ACOT7: variants seen among roughly 807,000 people sequenced by gnomAD.
ACOT7 encodes the protein cytosolic acyl coenzyme A thioester hydrolase.
In ACOT7, 12 loss-of-function variants were observed where a neutral mutation model predicts 40.2. The ratio of observed to expected loss-of-function variants is 0.30; its 90% CI spans 0.19 to 0.48. The LOEUF is 0.48. ACOT7 is among the 20% of genes least tolerant of loss of function. The probability of loss-of-function intolerance (pLI) is 0.99; values close to 1 mark genes in which losing one functional copy is unlikely to be tolerated. For missense variants in ACOT7, 395 were observed against 530.8 expected, an observed-to-expected ratio of 0.74 and a Z score of 2.51; for synonymous variants, 228 against 219.5, an observed-to-expected ratio of 1.04 and a Z score of -0.34.
intron 8 of ACOT7, among the ~76,000 whole-genome samples, chr1:6,267,875 T>C (rs1638898092): frequency 6.6e-6 from 1 of 152,284 alleles, no homozygotes; most frequent in Non-Finnish European, 1.5e-5. Context: ...CTGACTCACA[T>C]CGACTCCTCT....
chr1:6,362,267 C>T (rs973918532), intron 1 of ACOT7, among the ~76,000 whole-genome samples: 2 of 152,148 alleles, frequency 1.3e-5, no homozygotes, highest in South Asian at 2.1e-4. Context: ...TCTGTCTCTA[C>T]TAAAACTACA....
chr1:6,286,391 G>C (rs1639503929), intron 7 of ACOT7, among the ~76,000 whole-genome samples: 1 of 152,184 alleles, frequency 6.6e-6, no homozygotes, highest in Admixed American at 6.5e-5. Flanking sequence ...CCAGGGCCCT[G>C]ATGAAGCCAG....
At chr1:6,270,304 T>C (rs1571255831) in intron 8 of ACOT7, among the ~76,000 whole-genome samples, 1 of 151,766 alleles carries the variant, frequency 6.6e-6, no homozygotes, top group Non-Finnish European at 1.5e-5. Flanking sequence ...TAATGGAGGG[T>C]TGGGGGTGGG....
chr1:6,297,471 T>G lies in ACOT7; in HGVS notation c.713-2491A>C, dbSNP rs567802968. On this transcript the variant is annotated intron_variant, in intron 6 of 8. Transcript: ENST00000361521. The stretch of plus-strand genomic sequence containing the variant: ...GCCCACAGCATCCAGCAGGTGAAGC[T>G]GGAAAGAGCAGAATTAGTGGGGGCC... 1.5e-4 allele frequency among the ~76,000 whole-genome samples: 23 copies of G among 152,294 alleles called. No individual in the cohort carries two copies. In the South Asian group the frequency reaches 4.8e-3, roughly 32 times the overall value.
intron 1 of ACOT7, chr1:6,385,579 C>T (rs749848196): frequency 1.9e-5 from 31 of 1,612,138 alleles, no homozygotes; most frequent in Admixed American, 3.3e-5. Context: ...CGCCGGGGCC[C>T]CACACATCCC....
rs1010696290 is a variant in ACOT7, at chr1:6,358,973, C to G, written c.144-9107G>C. ...ACCGGGCTTGGTGGGGAGCACCCCC[C>G]ACCCCCAGCTTCCTGAGCTGCCCAA... On this transcript the variant is annotated intron_variant, in intron 1 of 8. Coordinates refer to ENST00000361521, the MANE Select transcript of ACOT7 (RefSeq NM_007274.4). This position sits in a 1 kb window ranked among gnomAD's most constrained non-coding sequence, Gnocchi z 4.1. The G allele has an allele frequency of 1.4e-6, 2 of 1,464,498 alleles. No homozygotes were observed. Among genetic ancestry groups the G allele is most frequent in the Non-Finnish European group, 1.8e-6 (2 of 1,095,154 alleles). 90.7% of individuals were successfully genotyped at this position (1,464,498 alleles called of 1,614,324 possible).
At position 6,276,572 on chromosome 1, in the gene ACOT7, G is replaced by A. The variant is rs530056304; in HGVS notation, c.1014+4530C>T. On this transcript the variant is annotated intron_variant, in intron 8 of 8. Coordinates refer to ENST00000361521, the MANE Select transcript of ACOT7 (RefSeq NM_007274.4). The stretch of plus-strand genomic sequence containing the variant: ...GGGAGCTAAAAATAGACAGGAGGCT[G>A]AAGAAAGCTGACGTGGGGATGAGGG... Among the ~76,000 whole-genome samples, 7 of 152,248 alleles carry A rather than the reference G, an allele frequency of 4.6e-5. 1 individual carries two copies. Among genetic ancestry groups the A allele is most frequent in the African/African-American group, 1.7e-4 (7 of 41,554 alleles).
intron 6 of ACOT7, among the ~76,000 whole-genome samples, chr1:6,308,126 G>A (rs906800129): frequency 6.7e-6 from 1 of 149,066 alleles, no homozygotes; most frequent in African/African-American, 2.5e-5. Context: ...CAGGCAGAAG[G>A]AACAGCCACA....
At chr1:6,385,501 T>C (rs768258189) in intron 1 of ACOT7, 6 of 1,609,702 alleles carry the variant, frequency 3.7e-6, no homozygotes, top group South Asian at 3.3e-5. Context: ...TACCTTCCAG[T>C]AATGCAGGCT....
At chr1:6,340,883 A>G (rs981593052) in intron 2 of ACOT7, among the ~76,000 whole-genome samples, 6 of 151,966 alleles carry the variant, frequency 3.9e-5, no homozygotes, top group African/African-American at 9.7e-5. Flanking sequence ...TAAAAATACA[A>G]AAGTTACCCG....
chr1:6,372,150 C>A (rs78894540), intron 1 of ACOT7, among the ~76,000 whole-genome samples: 3,377 of 152,286 alleles, frequency 0.022, 117 homozygotes, highest in African/African-American at 0.077. Flanking sequence ...TGCTGCTCTA[C>A]CTTGTACTTT....
At chr1:6,364,846 C>CAAA (rs770975001) in intron 1 of ACOT7, among the ~76,000 whole-genome samples, 2 of 37,522 alleles carry the variant, frequency 5.3e-5, no homozygotes, top group Non-Finnish European at 1.0e-4. Flanking sequence ...GACTCCATCT[C>CAAA]AAAAAAAAAA....
intron 2 of ACOT7, 53 bp from the exon 3 acceptor site, chr1:6,339,642 G>A: frequency 1.3e-6 from 2 of 1,590,396 alleles, no homozygotes; most frequent in Non-Finnish European, 1.7e-6. Context: ...AGCCCCGAGA[G>A]CCCCACCCAG....
intron 6 of ACOT7, among the ~76,000 whole-genome samples, chr1:6,307,835 G>A (rs1640202288): frequency 6.6e-6 from 1 of 151,706 alleles, no homozygotes; most frequent in African/African-American, 2.4e-5. Context: ...CGGGCAGAGG[G>A]AACTACAACT....
intron 2 of ACOT7, among the ~76,000 whole-genome samples, chr1:6,347,119 G>C (rs1641447820): frequency 6.6e-6 from 1 of 152,126 alleles, no homozygotes; most frequent in Middle Eastern, 3.2e-3. Context: ...TGTGGATGCG[G>C]GGGTCCCCTG....
intron 2 of ACOT7, among the ~76,000 whole-genome samples, chr1:6,347,614 A>G (rs1162059922): frequency 2.0e-5 from 3 of 152,046 alleles, no homozygotes; most frequent in Non-Finnish European, 4.4e-5. Context: ...AAAATACAAA[A>G]AAATTAGCCA....
chr1:6,351,886 C>G (rs115758861), intron 1 of ACOT7, among the ~76,000 whole-genome samples: 1,826 of 152,356 alleles, frequency 0.012, 47 homozygotes, highest in African/African-American at 0.041. Context: ...ATGTGGGTAG[C>G]CTTTAAGACA....
At chr1:6,269,436 CA>C (rs1365353030) in intron 8 of ACOT7, among the ~76,000 whole-genome samples, 16 of 152,350 alleles carry the variant, frequency 1.1e-4, no homozygotes, top group Non-Finnish European at 2.2e-4. Context: ...CATATTATCC[CA>C]AACCACTACA....
Position 6,294,715 on chromosome 1 carries a change from G to C in ACOT7, c.829+149C>G, listed in dbSNP as rs1241664760. On this transcript the variant is annotated intron_variant, in intron 7 of 8. Coordinates refer to ENST00000361521, the MANE Select transcript of ACOT7 (RefSeq NM_007274.4). This position sits in a 1 kb window ranked among gnomAD's most constrained non-coding sequence, Gnocchi z 4.6. ...CAAGTCAATAAACAGCAAGGACAAA[G>C]AAAGAAACCTCAGCTTCCTGTTCCC... The C allele has an allele frequency of 3.2e-6, 2 of 628,690 alleles. No homozygotes were observed. Among genetic ancestry groups the C allele is most frequent in the Non-Finnish European group, 5.6e-6 (2 of 354,940 alleles). 38.9% of individuals were successfully genotyped at this position (628,690 alleles called of 1,614,324 possible).
Sources: gnomAD v4.1 joint callset for allele counts (sites outside exome capture counted in the v4.1 genomes callset) on GRCh38, gnomAD v4.1.1 for gene constraint, Gnocchi (gnomAD v3.1) non-coding constraint, MANE v1.5 for transcripts, NCBI Gene and HGNC (gene_info 2026-07-23, HGNC 2026-07-21) for gene names.